Variants in NUP98 observed in about 807,000 individuals in gnomAD.
The protein encoded by NUP98 is nuclear pore complex protein Nup98-Nup96.
NUP98 carries 26 observed loss-of-function variants against 191.9 expected under a neutral mutation model. That is an observed-to-expected ratio of 0.14 (90% CI 0.10 to 0.19). The LOEUF (loss-of-function observed/expected upper bound fraction) is 0.19, where lower values mean the gene tolerates loss of function less well. Among genes scored for constraint, NUP98 ranks in the 10% least tolerant of loss-of-function variants. The pLI, the probability that NUP98 is intolerant of heterozygous loss-of-function variation, is 1.00. For missense variants in NUP98, 1,941 were observed against 2,178.8 expected (o/e 0.89, Z 2.17); for synonymous variants, 808 against 778.4 (o/e 1.04, Z -0.63).
chr11:3,781,209 A>C (rs1045630844), intron 2 of NUP98, among the ~76,000 whole-genome samples: 1 of 149,328 alleles, frequency 6.7e-6, no homozygotes, highest in Non-Finnish European at 1.5e-5. Context: ...AAAAAAAAAA[A>C]TTTTCATCAA....
At position 3,732,538 on chromosome 11, in the gene NUP98, A is replaced by G. The variant is rs553055598; in HGVS notation, c.1543-960T>C. ...CTATGTAATGCAAGTTGCTCTGGGG[A>G]AAAAAAAGGCAGATACTAGCTTGTA... On this transcript the variant is annotated intron_variant, in intron 13 of 32. Coordinates refer to ENST00000324932, the MANE Select transcript of NUP98 (RefSeq NM_016320.5). Among the ~76,000 whole-genome samples, 14 of 152,170 alleles carry G rather than the reference A, an allele frequency of 9.2e-5. No individual in the cohort carries two copies. The South Asian group carries it at 1.2e-3, about 14-fold the overall frequency.
chr11:3,781,920 G>C (rs899371925), intron 2 of NUP98, 122 bp downstream of exon 2: 8 of 554,010 alleles, frequency 1.4e-5, no homozygotes, highest in Non-Finnish European at 2.5e-5. Context: ...ATTTTTTCAA[G>C]ACGACTTTGT....
At chr11:3,695,790 T>G (rs375563535) in intron 25 of NUP98, among the ~76,000 whole-genome samples, 184 bp from the exon 26 acceptor site, 11 of 152,032 alleles carry the variant, frequency 7.2e-5, no homozygotes, top group Non-Finnish European at 1.3e-4. Context: ...GATAGAAAAT[T>G]TGCAAAGTAG....
intron 21 of NUP98, among the ~76,000 whole-genome samples, chr11:3,706,215 G>C (rs1308423653): frequency 1.3e-5 from 2 of 151,992 alleles, no homozygotes; most frequent in Admixed American, 1.3e-4. Flanking sequence ...TAGGACTCTG[G>C]ATTCTAATGC....
chr11:3,688,917 G>C (rs550025859), intron 28 of NUP98, among the ~76,000 whole-genome samples: 1 of 149,618 alleles, frequency 6.7e-6, no homozygotes, highest in African/African-American at 2.5e-5. Flanking sequence ...AACAAAAACT[G>C]TAAGTATTTC....
At chr11:3,770,468 G>A (rs2081490468) in intron 7 of NUP98, among the ~76,000 whole-genome samples, 1 of 151,664 alleles carries the variant, frequency 6.6e-6, no homozygotes, top group Non-Finnish European at 1.5e-5. Flanking sequence ...ACGGGAGTAA[G>A]ACCCTAAAAC....
intron 21 of NUP98, 51 bp downstream of exon 21, chr11:3,706,394 T>C (rs990332687): frequency 1.9e-6 from 3 of 1,553,094 alleles, no homozygotes; most frequent in Admixed American, 3.4e-5. Flanking sequence ...GCAATGGAGA[T>C]AAAATATTAG....
chr11:3,784,090 T>C lies in NUP98; in HGVS notation c.-28-1945A>G, dbSNP rs111616393. Reference sequence around the variant, plus strand: ...GGATTCTGTGACAGAGATGATGATTTTTCTATTATAGCCACACAATGTATG... The same window carrying C: ...GGATTCTGTGACAGAGATGATGATTCTTCTATTATAGCCACACAATGTATG... On this transcript the variant is annotated intron_variant, in intron 1 of 32. Coordinates refer to ENST00000324932, the MANE Select transcript of NUP98 (RefSeq NM_016320.5). Among the ~76,000 whole-genome samples, 1,516 of 152,290 alleles carry C rather than the reference T, an allele frequency of 1.0e-2. 27 individuals carry two copies. The highest frequency in any genetic ancestry group is 0.035 in the African/African-American group (1,457 of 41,552).
At chr11:3,704,028 A>G (rs1210768641) in intron 22 of NUP98, among the ~76,000 whole-genome samples, 6 of 152,094 alleles carry the variant, frequency 3.9e-5, no homozygotes, top group Non-Finnish European at 8.8e-5. Context: ...TCCCAATTTT[A>G]CGTGGCTTTT....
chr11:3,789,774 A>T (rs769062618), intron 1 of NUP98, among the ~76,000 whole-genome samples: 17 of 149,920 alleles, frequency 1.1e-4, no homozygotes, highest in Admixed American at 5.3e-4. Context: ...AGGCCCATTT[A>T]CTTATTTTTT....
At chr11:3,744,709 A>C in intron 11 of NUP98, 60 bp from the exon 12 acceptor site, 1 of 1,542,274 alleles carries the variant, frequency 6.5e-7, no homozygotes, top group Non-Finnish European at 8.7e-7. Context: ...GTTGTGCCAG[A>C]GGTCAGTTAC....
rs2078650651 is a variant in NUP98 at position 3,700,663 on chromosome 11, T to C, written c.3689A>G (p.His1230Arg). 4 of 1,614,102 alleles carry C rather than the reference T, an allele frequency of 2.5e-6. No individual in the cohort carries two copies. In the Admixed American group the frequency reaches 5.0e-5, roughly 20 times the overall value. ...TTCTTTAACCCAATCTGCATAGTCA[T>C]GAATGACAGCAACTCCCAGATTGGG... is the stretch of plus-strand genomic sequence containing the variant. ...IVPNLGVAVI[H>R]DYADWVKEAS... is the part of the protein sequence containing the mutation. Residue 1230 changes from histidine to arginine, a missense_variant, in exon 24 of 33, where the codon CAT becomes CGT. This residue lies in a region of NUP98 where 1,030 missense variants were observed against 1,115.8 expected (regional missense o/e 0.92). Transcript: ENST00000324932.
chr11:3,738,804 GA>G (rs1315487813), intron 12 of NUP98, among the ~76,000 whole-genome samples: 2 of 123,576 alleles, frequency 1.6e-5, no homozygotes, highest in Non-Finnish European at 3.5e-5. Context: ...AAAAAGGAAA[GA>G]AAGAAAAGAA....
At chr11:3,712,433 C>T in intron 20 of NUP98, 131 bp downstream of exon 20, 2 of 1,475,828 alleles carry the variant, frequency 1.4e-6, no homozygotes, top group Admixed American at 2.6e-5. Flanking sequence ...GCACTTGTTT[C>T]AACGTGATTG....
chr11:3,744,641 C>A lies in NUP98; in HGVS notation c.1276G>T (p.Ala426Ser). Residue 426 changes from alanine to serine, a missense_variant, in exon 12 of 33, where the codon GCT becomes TCT. Physicochemically the swap from Ala to Ser is moderately conservative, Grantham distance 99 (BLOSUM62 1). This residue lies in a region of NUP98 where 453 missense variants were observed against 438.2 expected (regional missense o/e 1.03). Coordinates refer to ENST00000324932, the MANE Select transcript of NUP98 (RefSeq NM_016320.5). Reference protein sequence around the residue: ...LGAGFGTALGAGQASLFGNNQ... With the variant: ...LGAGFGTALGSGQASLFGNNQ... The stretch of plus-strand genomic sequence containing the variant: ...TTCCCAAACAAAGATGCCTGTCCAG[C>A]ACCAAGAGCTACGGAGACAAGAGGA... 4.3e-6 allele frequency: 7 copies of A among 1,610,522 alleles called. No homozygotes were observed. The highest frequency in any genetic ancestry group is 5.9e-6 in the Non-Finnish European group (7 of 1,178,344).
At chr11:3,760,887 T>C (rs2081142257) in intron 9 of NUP98, among the ~76,000 whole-genome samples, 1 of 152,150 alleles carries the variant, frequency 6.6e-6, no homozygotes, top group Non-Finnish European at 1.5e-5. Context: ...ATGAATCCAA[T>C]GAAACCAGAT....
At chr11:3,759,503 A>C (rs1006528930) in intron 10 of NUP98, among the ~76,000 whole-genome samples, 7 of 152,122 alleles carry the variant, frequency 4.6e-5, no homozygotes, top group Non-Finnish European at 1.0e-4. Context: ...AGGCTGAGGC[A>C]GGAGAATCGC....
chr11:3,750,694 C>T (rs11029620), intron 11 of NUP98, among the ~76,000 whole-genome samples: 26,079 of 151,870 alleles, frequency 0.17, 2,434 homozygotes, highest in Non-Finnish European at 0.22. Context: ...GTGGTACTAT[C>T]GTAACCCACT....
intron 7 of NUP98, 48 bp from the exon 8 acceptor site, chr11:3,768,792 T>C (rs1168602164): frequency 7.1e-7 from 1 of 1,401,100 alleles, no homozygotes; most frequent in Non-Finnish European, 9.5e-7. Context: ...ATAAAAAAAA[T>C]GTAAACACCC....
Sources: gnomAD v4.1 joint callset for allele counts (sites outside exome capture counted in the v4.1 genomes callset) on GRCh38, gnomAD v4.1.1 for gene constraint, gnomAD v4.1.1 regional missense constraint, MANE v1.5 for transcripts, NCBI Gene and HGNC (gene_info 2026-07-23, HGNC 2026-07-21) for gene names.